The following CCDC180 variants were observed in gnomAD, a reference collection of about 807,000 sequenced individuals.
CCDC180 encodes the protein coiled-coil domain-containing protein 180.
CCDC180 carries 154 observed loss-of-function variants against 209.2 expected under a neutral mutation model. That is an observed-to-expected ratio of 0.74 (90% CI 0.65 to 0.84). The LOEUF is 0.84. CCDC180 is among the 40% of genes least tolerant of loss of function. CCDC180 has a pLI of 0.00. For missense variants in CCDC180, 1,874 were observed against 1,997.3 expected (o/e 0.94, Z 1.18); for synonymous variants, 778 against 749.1 (o/e 1.04, Z -0.63).
chr9:97,311,731 G>A (rs1003391688), intron 3 of CCDC180, among the ~76,000 whole-genome samples: 4 of 152,220 alleles, frequency 2.6e-5, no homozygotes, highest in Non-Finnish European at 5.9e-5. Context: ...TGCTGAAGGA[G>A]CAAATGAGGA....
In CCDC180 at chr9:97,330,528, C is replaced by T. The variant is rs1403072228; in HGVS notation, c.2035C>T (p.His679Tyr). ...VLGQQKKSPL[H>Y]AKMDESKEGS... is the part of the protein sequence containing the mutation. ...GGGGCAGCAGAAAAAATCTCCACTG[C>T]ATGCTAAGATGGATGAGTCCAAAGA... is the stretch of plus-strand genomic sequence containing the variant. The change falls in exon 18 of 37, where the codon CAT (histidine) becomes TAT (tyrosine). Residue 679 changes from histidine (H) to tyrosine (Y), a missense_variant. His to Tyr is a moderately conservative substitution (Grantham distance 83). Transcript: ENST00000529487. The T allele has an allele frequency of 6.2e-7, 1 of 1,613,994 alleles. No individual in the cohort carries two copies. Among genetic ancestry groups the T allele is most frequent in the African/African-American group, 1.3e-5 (1 of 74,894 alleles).
At position 97,325,314 on chromosome 9, in the gene CCDC180, C is replaced by CA. The variant is rs1491160803; in HGVS notation, c.1545+123dup. 5.9e-6 allele frequency: 6 copies of CA among 1,023,866 alleles called. No homozygotes were observed. In the East Asian group the frequency reaches 1.6e-4, roughly 27 times the overall value. The allele number at this position is 1,023,866 out of a possible 1,614,324, so 63.4% of individuals were successfully genotyped here. A position where few individuals can be genotyped will look rare whatever the true frequency, so the allele number is the denominator to read the frequency against. On this transcript the variant is annotated intron_variant, in intron 14 of 36. Transcript: ENST00000529487. The stretch of plus-strand genomic sequence containing the variant: ...TTGTGCAGATGGGGACATTGAGGCT[C>CA]ACGTTGGTCATGGGATCAGATGGGA...
intron 19 of CCDC180, among the ~76,000 whole-genome samples, chr9:97,345,053 A>G (rs968244783): frequency 5.3e-5 from 8 of 151,808 alleles, no homozygotes; most frequent in African/African-American, 1.5e-4. Context: ...TTATTTCTGT[A>G]TAGTATCCCG....
At chr9:97,319,750 A>T (rs1343769177) in intron 10 of CCDC180, among the ~76,000 whole-genome samples, 1 of 151,922 alleles carries the variant, frequency 6.6e-6, no homozygotes, top group African/African-American at 2.4e-5. Context: ...TTTTTAAATC[A>T]TCATGTGTGT....
chr9:97,354,794 CTCCA>C, intron 23 of CCDC180, 81 bp downstream of exon 23: 1 of 1,590,456 alleles, frequency 6.3e-7, no homozygotes, highest in East Asian at 2.2e-5. Flanking sequence ...GGGCCAAGCC[CTCCA>C]TCCAACCATT....
At position 97,308,106 on chromosome 9, in the gene CCDC180, G is replaced by C. The variant is rs141924891; in HGVS notation, c.43G>C (p.Ala15Pro). 1 of 1,610,042 alleles carries C rather than the reference G, an allele frequency of 6.2e-7. No individual in the cohort carries two copies. The highest frequency in any genetic ancestry group is 1.3e-5 in the African/African-American group (1 of 74,782). The change falls in exon 2 of 37, where the codon GCC becomes CCC. Residue 15 changes from alanine to proline, a missense_variant. By Grantham distance (27) the Ala-to-Pro change is conservative. Coordinates refer to ENST00000529487, the MANE Select transcript of CCDC180 (RefSeq NM_020893.6). ...GGTGACCCAGGTTCCGAATGGGAAAGCCTACCAGCAGATCTTCCAGGCTGA... is the reference window on the plus strand; with the variant it reads ...GGTGACCCAGGTTCCGAATGGGAAACCCTACCAGCAGATCTTCCAGGCTGA... ...GKVTQVPNGK[A>P]YQQIFQAEVQ...
rs1044968438 is a variant in CCDC180 at position 97,340,551 on chromosome 9, C to T, written c.2275-2789C>T. Reference sequence around the variant, plus strand: ...TTTATTCCAATATTATAATAATCCTCGCTCTATAATCATAACCTGGAAAAA... The same window carrying T: ...TTTATTCCAATATTATAATAATCCTTGCTCTATAATCATAACCTGGAAAAA... On this transcript the variant is annotated intron_variant, in intron 18 of 36. Coordinates refer to ENST00000529487, the MANE Select transcript of CCDC180 (RefSeq NM_020893.6). Among the ~76,000 whole-genome samples the T allele has an allele frequency of 2.6e-5, 4 of 152,206 alleles. No individual in the cohort carries two copies. In the East Asian group the frequency reaches 5.8e-4, roughly 22 times the overall value.
chr9:97,365,478 A>C, intron 29 of CCDC180, 195 bp from the exon 30 acceptor site: 1 of 565,616 alleles, frequency 1.8e-6, no homozygotes, highest in Non-Finnish European at 3.2e-6. Context: ...GAACAAATAC[A>C]ACCAAGAAGA....
chr9:97,366,561 G>A lies in CCDC180; in HGVS notation c.4050G>A (p.Glu1350=). 3 of 1,613,050 alleles carry A rather than the reference G, an allele frequency of 1.9e-6. No individual in the cohort carries two copies. The highest frequency in any genetic ancestry group is 2.5e-6 in the Non-Finnish European group (3 of 1,179,526). Residue 1350 remains glutamate, a splice_region_variant and synonymous_variant, in exon 31 of 37, where the codon GAG becomes GAA. Transcript: ENST00000529487. The surrounding 1 kb of genome is among the most constrained non-coding windows in gnomAD (Gnocchi z 4.3). The part of the protein sequence containing the change: ...SSENLLTVAE[E]FYRKEKRPVT... Reference sequence around the variant, plus strand: ...CACATGGTCACCCTCTCTGGCAGGAGTTCTACCGTAAAGAAAAACGCCCAG... The same window carrying A: ...CACATGGTCACCCTCTCTGGCAGGAATTCTACCGTAAAGAAAAACGCCCAG...
At chr9:97,329,599 CATA>C (rs1297664294) in intron 16 of CCDC180, among the ~76,000 whole-genome samples, 1 of 152,178 alleles carries the variant, frequency 6.6e-6, no homozygotes, top group Non-Finnish European at 1.5e-5. Context: ...AAAAATATAT[CATA>C]ATGAGCTTTA....
rs1162025154 is a variant in CCDC180, at chr9:97,374,640, T to A, written c.4698T>A (p.Arg1566=). 1.5e-5 allele frequency: 25 copies of A among 1,613,686 alleles called. No individual in the cohort carries two copies. The highest frequency in any genetic ancestry group is 3.3e-5 in the South Asian group (3 of 91,060). Residue 1566 remains arginine, a synonymous_variant, in exon 35 of 37, where the codon CGT becomes CGA. Coordinates refer to ENST00000529487, the MANE Select transcript of CCDC180 (RefSeq NM_020893.6). ...AGAGTGAGAAACCCCTGATTGAACG[T>A]GGAAGCAGGTGAGAACCAAGAGCAG... ...KEESEKPLIE[R]GSRKWPGIKP... is the part of the protein sequence containing the mutation.
chr9:97,376,696 AT>A (rs1827268054), intron 36 of CCDC180, 66 bp from the exon 37 acceptor site: 16 of 1,538,928 alleles, frequency 1.0e-5, no homozygotes, highest in Non-Finnish European at 1.4e-5. Context: ...AAGTTACAGC[AT>A]TGCCCTAGGG....
At chr9:97,349,321 CCATGTGGCT>C in intron 21 of CCDC180, 30 bp downstream of exon 21, 1 of 1,520,756 alleles carries the variant, frequency 6.6e-7, no homozygotes, top group South Asian at 1.2e-5. Flanking sequence ...TCCACCCCAG[CCATGTGGCT>C]CTGGAATCCC....
At chr9:97,363,823 T>C (rs1212871432) in intron 28 of CCDC180, 10 of 578,650 alleles carry the variant, frequency 1.7e-5, no homozygotes, top group South Asian at 4.2e-5. Context: ...ACAGCAGCTG[T>C]GGTTGGGTTT....
chr9:97,358,465 G>C (rs1246342928), intron 25 of CCDC180, among the ~76,000 whole-genome samples: 1 of 152,098 alleles, frequency 6.6e-6, no homozygotes, highest in Admixed American at 6.5e-5. Flanking sequence ...GGTTTTCTGT[G>C]TTTAAAGTAT....
intron 28 of CCDC180, chr9:97,363,454 A>AT: frequency 3.1e-6 from 1 of 318,964 alleles, no homozygotes; most frequent in Non-Finnish European, 7.0e-6. Context: ...GCAGAGCTCT[A>AT]TTTTTTATAT....
At chr9:97,320,288 G>A in intron 11 of CCDC180, 83 bp downstream of exon 11, 1 of 1,272,104 alleles carries the variant, frequency 7.9e-7, no homozygotes, top group Non-Finnish European at 1.1e-6. Context: ...CCAAATGAGT[G>A]GCGCCGCCAT....
chr9:97,373,763 G>T (rs2118016290), intron 34 of CCDC180: 1 of 152,350 alleles, frequency 6.6e-6, no homozygotes. Context: ...GCGATGTCTG[G>T]ATCAAAGTGT....
Position 97,377,290 on chromosome 9 carries a change from T to C in CCDC180, c.*396T>C. ...CAGAATAAACAAGTATGGGTTATAA[T>C]TGCAACTCTGCACTGGTTCCTAGAC... On this transcript the variant is annotated 3_prime_UTR_variant, in exon 37 of 37. Coordinates refer to ENST00000529487, the MANE Select transcript of CCDC180 (RefSeq NM_020893.6). 6.2e-6 allele frequency: 1 copy of C among 162,286 alleles called. No homozygotes were observed. Among genetic ancestry groups the C allele is most frequent in the Non-Finnish European group, 1.4e-5 (1 of 73,646 alleles). The allele number at this position is 162,286 out of a possible 1,614,324, so 10.1% of individuals were successfully genotyped here.
Sources: allele counts gnomAD v4.1 joint callset (sites outside exome capture counted in the v4.1 genomes callset), GRCh38; gene constraint gnomAD v4.1.1; non-coding constraint Gnocchi (gnomAD v3.1); transcripts MANE v1.5; gene names NCBI Gene and HGNC (gene_info 2026-07-23, HGNC 2026-07-21).